The following DGKB variants were observed in gnomAD, a reference collection of about 807,000 sequenced individuals.
DGKB encodes 90 kDa diacylglycerol kinase.
A neutral mutation model predicts 114.3 loss-of-function variants in DGKB; 67 were observed. That is an observed-to-expected ratio of 0.59 (90% CI 0.48 to 0.72). The LOEUF is 0.72. Among genes scored for constraint, DGKB ranks in the 30% least tolerant of loss-of-function variants. DGKB has a pLI of 0.00. For synonymous variants in DGKB, 398 were observed against 323.1 expected (o/e 1.23, Z -2.49); for missense variants, 907 against 975.2 (o/e 0.93, Z 0.93).
intron 1 of DGKB, among the ~76,000 whole-genome samples, chr7:14,939,660 C>T (rs1249561978): frequency 4.4e-5 from 5 of 113,222 alleles, no homozygotes; most frequent in Admixed American, 1.3e-4. Flanking sequence ...GACGGAGTCT[C>T]GTTCTGCCCA....
chr7:14,233,000 A>T (rs1221691504), intron 23 of DGKB, among the ~76,000 whole-genome samples: 1 of 152,098 alleles, frequency 6.6e-6, no homozygotes. Context: ...ACTCTGAAAT[A>T]GCATTTTGTT....
intron 20 of DGKB, among the ~76,000 whole-genome samples, chr7:14,510,957 A>G (rs75878494): frequency 1.3e-5 from 2 of 152,196 alleles, no homozygotes; most frequent in East Asian, 3.9e-4. Context: ...TAGGATGAAA[A>G]TATTCAGTAA....
chr7:14,656,510 T>A (rs1037814638), intron 13 of DGKB, among the ~76,000 whole-genome samples: 1 of 151,512 alleles, frequency 6.6e-6, no homozygotes, highest in Non-Finnish European at 1.5e-5. Flanking sequence ...AGTCAATCCA[T>A]AGGACACTGC....
At chr7:14,755,340 A>G (rs1273000579) in intron 3 of DGKB, among the ~76,000 whole-genome samples, 1 of 152,204 alleles carries the variant, frequency 6.6e-6, no homozygotes, top group African/African-American at 2.4e-5. Flanking sequence ...AGTGAATTAT[A>G]AGCAAAATAG....
At chr7:14,195,250 C>A (rs1007278084) in intron 23 of DGKB, among the ~76,000 whole-genome samples, 1 of 152,120 alleles carries the variant, frequency 6.6e-6, no homozygotes, top group African/African-American at 2.4e-5. Context: ...CATGCCTCTT[C>A]TGCCCTTTTC....
chr7:14,340,121 T>C (rs1189561110), intron 22 of DGKB, among the ~76,000 whole-genome samples: 4 of 150,480 alleles, frequency 2.7e-5, no homozygotes. Flanking sequence ...TTTCATTTAA[T>C]TTGTTTCAAT....
chr7:14,924,388 T>C (rs537354016), intron 1 of DGKB, among the ~76,000 whole-genome samples: 133 of 152,322 alleles, frequency 8.7e-4, no homozygotes, highest in African/African-American at 3.1e-3. Context: ...TTTTAGTTTA[T>C]GGAGTTCCTG....
At chr7:14,284,653 C>G (rs1800549129) in intron 23 of DGKB, among the ~76,000 whole-genome samples, 1 of 148,926 alleles carries the variant, frequency 6.7e-6, no homozygotes, top group Admixed American at 6.7e-5. Flanking sequence ...AAATGTGGCA[C>G]ATATACATCA....
intron 21 of DGKB, among the ~76,000 whole-genome samples, chr7:14,371,738 A>T (rs1817692696): frequency 6.6e-6 from 1 of 152,128 alleles, no homozygotes; most frequent in Non-Finnish European, 1.5e-5. Flanking sequence ...CTGAGTCATA[A>T]ATTCTTTCCC....
chr7:14,759,861 T>G (rs1180958010), intron 2 of DGKB, among the ~76,000 whole-genome samples: 1 of 152,166 alleles, frequency 6.6e-6, no homozygotes, highest in Non-Finnish European at 1.5e-5. Flanking sequence ...CTACACCATT[T>G]TACACTCCCA....
intron 25 of DGKB, among the ~76,000 whole-genome samples, chr7:14,155,284 C>G (rs879370234): frequency 3.3e-5 from 5 of 152,020 alleles, no homozygotes; most frequent in African/African-American, 1.2e-4. Flanking sequence ...TACTAGGTAC[C>G]AGCCTACCTT....
At chr7:14,260,094 ACACACACACACATGAACACAC>A (rs1796539006) in intron 23 of DGKB, among the ~76,000 whole-genome samples, 1 of 62,656 alleles carries the variant, frequency 1.6e-5, no homozygotes, top group East Asian at 4.1e-4. Flanking sequence ...GTGTACACAC[ACACACACACACATGAACACAC>A]ACACACACAC....
chr7:14,584,294 C>CA (rs1800393388), intron 17 of DGKB, among the ~76,000 whole-genome samples: 4 of 152,042 alleles, frequency 2.6e-5, no homozygotes, highest in Admixed American at 2.6e-4. Context: ...CTCATTACTA[C>CA]AAAAAAGTAT....
At chr7:14,789,155 G>A (rs1840311458) in intron 2 of DGKB, among the ~76,000 whole-genome samples, 1 of 151,848 alleles carries the variant, frequency 6.6e-6, no homozygotes, top group Non-Finnish European at 1.5e-5. Context: ...GATCTCGTGT[G>A]TCCTTTCCTC....
At chr7:14,911,569 T>G (rs2128243704) in intron 1 of DGKB, among the ~76,000 whole-genome samples, 1 of 152,298 alleles carries the variant, frequency 6.6e-6, no homozygotes, top group South Asian at 2.1e-4. Flanking sequence ...TACTCAAGTG[T>G]AAATTGAATT....
At chr7:14,411,986 C>A (rs148699937) in intron 21 of DGKB, among the ~76,000 whole-genome samples, 1 of 152,064 alleles carries the variant, frequency 6.6e-6, no homozygotes, top group African/African-American at 2.4e-5. Flanking sequence ...ACCAGAAAAT[C>A]AAGTTGTATA....
At chr7:14,309,085 GC>G (rs1001769951) in intron 23 of DGKB, among the ~76,000 whole-genome samples, 4 of 152,076 alleles carry the variant, frequency 2.6e-5, no homozygotes, top group Non-Finnish European at 2.9e-5. Flanking sequence ...GTGTCATGGT[GC>G]TTGCCTGTAG....
chr7:14,270,783 G>A (rs1798160948), intron 23 of DGKB, among the ~76,000 whole-genome samples: 1 of 152,176 alleles, frequency 6.6e-6, no homozygotes, highest in Admixed American at 6.5e-5. Flanking sequence ...GGAATTTGCG[G>A]GTCTTGAAAG....
intron 21 of DGKB, among the ~76,000 whole-genome samples, chr7:14,350,857 A>G (rs1813313126): frequency 6.6e-6 from 1 of 152,140 alleles, no homozygotes; most frequent in Non-Finnish European, 1.5e-5. Flanking sequence ...TAGCTTAGTT[A>G]AAATGAAATT....
Sources: gnomAD v4.1 joint callset for allele counts (sites outside exome capture counted in the v4.1 genomes callset) on GRCh38, gnomAD v4.1.1 for gene constraint, MANE v1.5 for transcripts, NCBI Gene and HGNC (gene_info 2026-07-23, HGNC 2026-07-21) for gene names.